CATSPERG: variants seen among roughly 807,000 people sequenced by gnomAD.
CATSPERG encodes the protein catsper channel auxiliary subunit gamma, also known as cation channel sperm-associated auxiliary subunit gamma.
CATSPERG carries 115 observed loss-of-function variants against 145.0 expected under a neutral mutation model. The observed-to-expected ratio is 0.79, with a 90% CI of 0.68 to 0.93. The LOEUF (loss-of-function observed/expected upper bound fraction) is 0.93, where lower values mean the gene tolerates loss of function less well. Ranked by LOEUF, CATSPERG falls within the 40% of genes least tolerant of loss-of-function variation. The probability of loss-of-function intolerance (pLI) is 0.00; values close to 1 mark genes in which losing one functional copy is unlikely to be tolerated. For synonymous variants in CATSPERG, 588 were observed against 589.0 expected (o/e 1.00, Z 0.02); for missense variants, 1,296 against 1,490.1 (o/e 0.87, Z 2.14).
chr19:38,344,071 G>A lies in CATSPERG; in HGVS notation c.548G>A (p.Arg183His), dbSNP rs1329131165. The A allele has an allele frequency of 6.4e-6, 10 of 1,551,542 alleles. No individual in the cohort carries two copies. The highest frequency in any genetic ancestry group is 4.8e-5 in the South Asian group (4 of 84,060). Reference protein sequence around the residue: ...MPIKKGSVVMRVDISSNGLGT... With the variant: ...MPIKKGSVVMHVDISSNGLGT... ...ATCAAGAAAGGCAGTGTGGTCATGC[G>A]TGTGGACATCAGCAGCAATGGCCTG... The change falls in exon 5 of 29, where the codon CGT becomes CAT. Residue 183 changes from arginine (R) to histidine (H), a missense_variant. Physicochemically the swap from Arg to His is conservative, Grantham distance 29. Coordinates refer to ENST00000409235, the MANE Select transcript of CATSPERG (RefSeq NM_021185.5).
intron 11 of CATSPERG, chr19:38,357,941 G>A: frequency 4.0e-6 from 1 of 250,782 alleles, no homozygotes; most frequent in Non-Finnish European, 7.8e-6. Flanking sequence ...AACAGAGCGA[G>A]ACTCCATCTC....
At chr19:38,337,720 ATTTAT>A (rs1334644804) in intron 3 of CATSPERG, 74 bp downstream of exon 3, 2 of 1,318,134 alleles carry the variant, frequency 1.5e-6, no homozygotes, top group Non-Finnish European at 2.1e-6. Context: ...TTATTTATTT[ATTTAT>A]TTTATTTTTT....
chr19:38,350,192 T>C (rs530952089), intron 7 of CATSPERG, among the ~76,000 whole-genome samples: 36 of 152,292 alleles, frequency 2.4e-4, no homozygotes, highest in Non-Finnish European at 4.4e-4. Context: ...CAAGGGACAC[T>C]GGGTGGTACA....
Position 38,370,525 on chromosome 19 carries a change from G to T in CATSPERG, c.3214-1G>T, listed in dbSNP as rs1970528653. 6.2e-7 allele frequency: 1 copy of T among 1,614,016 alleles called. No homozygotes were observed. Among genetic ancestry groups the T allele is most frequent in the Non-Finnish European group, 8.5e-7 (1 of 1,180,012 alleles). ...CCTTACTCATTCTTTGCTCCCTGCA[G>T]GTGTCAGCTAGCGTGTTTGTGGGCC... is the stretch of plus-strand genomic sequence containing the variant. On this transcript the variant is annotated splice_acceptor_variant, in intron 28 of 28. Transcript: ENST00000409235. LOFTEE classifies it high-confidence loss of function.
chr19:38,341,970 G>A (rs1444590633), intron 3 of CATSPERG, among the ~76,000 whole-genome samples: 3 of 151,900 alleles, frequency 2.0e-5, no homozygotes, highest in Non-Finnish European at 4.4e-5. Context: ...CAGCTATTTG[G>A]GAGGCTGAGG....
intron 1 of CATSPERG, among the ~76,000 whole-genome samples, chr19:38,336,847 G>GGGCGGAACGA (rs1471932455): frequency 1.3e-5 from 2 of 152,086 alleles, no homozygotes; most frequent in African/African-American, 4.8e-5. Context: ...GGAGGCGGCG[G>GGGCGGAACGA]GGCGGAACGA....
chr19:38,339,581 T>C (rs1969902815), intron 3 of CATSPERG, among the ~76,000 whole-genome samples: 1 of 152,088 alleles, frequency 6.6e-6, no homozygotes, highest in South Asian at 2.1e-4. Flanking sequence ...TTCTCCTGCC[T>C]CAGCCTCCTG....
Position 38,361,791 on chromosome 19 carries a change from A to G in CATSPERG, c.2024A>G (p.Asn675Ser), listed in dbSNP as rs1390728284. 8 of 1,612,296 alleles carry G rather than the reference A, an allele frequency of 5.0e-6. No individual in the cohort carries two copies. The highest frequency in any genetic ancestry group is 1.7e-5 in the Admixed American group (1 of 59,784). The change falls in exon 17 of 29, where the codon AAC becomes AGC. Residue 675 changes from asparagine to serine, a missense_variant. By Grantham distance (46) the Asn-to-Ser change is conservative (BLOSUM62 1). Coordinates refer to ENST00000409235, the MANE Select transcript of CATSPERG (RefSeq NM_021185.5). ...GTCCTGGAGCGCTCGGGCTTCCACA[A>G]CGAGAACTCGCTCGCCATCTACCAG... ...PRVLERSGFH[N>S]ENSLAIYQGL...
rs775639991 is a variant in CATSPERG at position 38,359,575 on chromosome 19, G to C, written c.1602G>C (p.Thr534=). The change falls in exon 14 of 29, where the codon ACG becomes ACC. Residue 534 remains threonine (T), a synonymous_variant. Transcript: ENST00000409235. ...FRGAVAIVTE[T]EEIWYLLEGS... Reference sequence around the variant, plus strand: ...GGGCTGTGGCTATTGTCACAGAGACGGAGGAGGTGGGCTGCCCCGCCCCTC... The same window carrying C: ...GGGCTGTGGCTATTGTCACAGAGACCGAGGAGGTGGGCTGCCCCGCCCCTC... 29 of 1,611,756 alleles carry C rather than the reference G, an allele frequency of 1.8e-5. No homozygotes were observed. Among genetic ancestry groups the C allele is most frequent in the Non-Finnish European group, 2.5e-5 (29 of 1,179,008 alleles).
At chr19:38,338,714 A>G (rs534910282) in intron 3 of CATSPERG, among the ~76,000 whole-genome samples, 4 of 152,252 alleles carry the variant, frequency 2.6e-5, no homozygotes, top group Admixed American at 2.6e-4. Context: ...CAGAAGCTCA[A>G]GACTAGCCTA....
At position 38,354,722 on chromosome 19, in the gene CATSPERG, G is replaced by A. The variant is rs748953204; in HGVS notation, c.1010G>A (p.Arg337His). 28 of 1,613,968 alleles carry A rather than the reference G, an allele frequency of 1.7e-5. No individual in the cohort carries two copies. Among genetic ancestry groups the A allele is most frequent in the Middle Eastern group, 1.6e-4 (1 of 6,082 alleles). ...ERNRGSGSWI[R>H]VLASECIKKL... is the part of the protein sequence containing the mutation. ...CTGACTTCACTAGGCAGTTGGATTC[G>A]TGTCCTGGCCAGCGAGTGCATCAAG... Residue 337 changes from arginine to histidine, a missense_variant, in exon 9 of 29, where the codon CGT becomes CAT. Arg to His is a conservative substitution (Grantham distance 29). Transcript: ENST00000409235.
intron 6 of CATSPERG, among the ~76,000 whole-genome samples, chr19:38,344,923 T>TGAGACGGGGCCTCGCTCTGTCA (rs1970013703): frequency 7.6e-6 from 1 of 131,256 alleles, no homozygotes; most frequent in Non-Finnish European, 1.7e-5. Flanking sequence ...TTTTTTTTTT[T>TGAGACGGGGCCTCGCTCTGTCA]TGAGACGGGG....
intron 9 of CATSPERG, 91 bp from the exon 10 acceptor site, chr19:38,356,393 G>A (rs1195831615): frequency 2.7e-6 from 3 of 1,093,442 alleles, no homozygotes; most frequent in Admixed American, 1.8e-5. Context: ...CGGAGGGGCT[G>A]GTGGGCATAA....
intron 1 of CATSPERG, 168 bp downstream of exon 1, chr19:38,336,043 TGGGAGCTGGCAGAGGAGGGAAAGG>T (rs1969828285): frequency 7.1e-6 from 2 of 281,592 alleles, no homozygotes; most frequent in Admixed American, 3.8e-5. Flanking sequence ...GGAAGAGTCG[TGGGAGCTGGCAGAGGAGGGAAAGG>T]GGGAGCCGAA....
At chr19:38,359,431 G>T in intron 13 of CATSPERG, 39 bp from the exon 14 acceptor site, 1 of 1,387,138 alleles carries the variant, frequency 7.2e-7, no homozygotes, top group Non-Finnish European at 1.0e-6. Flanking sequence ...GGAAGCGGCT[G>T]TCCAGCATGC....
chr19:38,362,188 C>T, intron 17 of CATSPERG, 22 bp from the exon 18 acceptor site: 3 of 1,569,106 alleles, frequency 1.9e-6, no homozygotes, highest in African/African-American at 1.4e-5. Context: ...AATCCCTTCA[C>T]GGTGCCGGGC....
intron 6 of CATSPERG, 153 bp downstream of exon 6, chr19:38,344,521 C>T (rs1969994054): frequency 5.8e-6 from 4 of 691,452 alleles, no homozygotes; most frequent in East Asian, 2.8e-5. Flanking sequence ...AGTGACCTGT[C>T]GAGGGGACGT....
intron 23 of CATSPERG, 69 bp downstream of exon 23, chr19:38,367,381 C>T: frequency 6.4e-7 from 1 of 1,572,124 alleles, no homozygotes; most frequent in Non-Finnish European, 8.7e-7. Context: ...TGCTCTCCCT[C>T]CCCATTCCTC....
chr19:38,343,810 G>A lies in CATSPERG; in HGVS notation c.469+86G>A, dbSNP rs1242158622. On this transcript the variant is annotated intron_variant, in intron 4 of 28. Transcript: ENST00000409235. ...CCTCTGTGGGGCCATGATCTGAGGA[G>A]GGTATGTGGGGGGCGGGAGCTCAGC... 4 of 1,459,594 alleles carry A rather than the reference G, an allele frequency of 2.7e-6. No homozygotes were observed. The Admixed American group carries it at 8.3e-5, about 30-fold the overall frequency. 90.4% of individuals were successfully genotyped at this position (1,459,594 alleles called of 1,614,324 possible).
Sources: gnomAD v4.1 joint callset for allele counts (sites outside exome capture counted in the v4.1 genomes callset) on GRCh38, gnomAD v4.1.1 for gene constraint, MANE v1.5 for transcripts, NCBI Gene and HGNC (gene_info 2026-07-23, HGNC 2026-07-21) for gene names.